Variants in IPO11 observed in about 807,000 individuals in gnomAD.
The protein encoded by IPO11 is importin-11.
IPO11 carries 66 observed loss-of-function variants against 143.2 expected under a neutral mutation model. That is an observed-to-expected ratio of 0.46 (90% confidence interval 0.38 to 0.57). The LOEUF (loss-of-function observed/expected upper bound fraction) is 0.57, where lower values mean the gene tolerates loss of function less well. Among genes scored for constraint, IPO11 ranks in the 20% least tolerant of loss-of-function variants. IPO11 has a pLI of 0.00. For synonymous variants in IPO11, 385 were observed against 377.8 expected (o/e 1.02, Z -0.22); for missense variants, 1,026 against 1,141.0 (o/e 0.90, Z 1.45).
At chr5:62,465,955 A>G (rs1421589898) in intron 5 of IPO11, among the ~76,000 whole-genome samples, 2 of 152,236 alleles carry the variant, frequency 1.3e-5, no homozygotes, top group Non-Finnish European at 2.9e-5. Flanking sequence ...CCAATTCTAG[A>G]CCATATAGCT....
intron 22 of IPO11, among the ~76,000 whole-genome samples, chr5:62,534,391 A>T (rs143201919): frequency 3.3e-5 from 5 of 152,202 alleles, no homozygotes; most frequent in African/African-American, 1.2e-4. Flanking sequence ...TAGATTCTCT[A>T]TAACATAATT....
intron 24 of IPO11, among the ~76,000 whole-genome samples, chr5:62,539,153 G>A (rs575169980): frequency 1.0e-3 from 158 of 152,200 alleles, no homozygotes; most frequent in African/African-American, 3.6e-3. Context: ...TAAAACAAGA[G>A]TTTCTTTATA....
At chr5:62,504,330 C>T (rs1037010434) in intron 16 of IPO11, among the ~76,000 whole-genome samples, 1 of 152,182 alleles carries the variant, frequency 6.6e-6, no homozygotes. Flanking sequence ...TTGTCCAACC[C>T]CACCCTGGTT....
Position 62,426,936 on chromosome 5 carries a change from T to TTG in IPO11, c.-6-10337_-6-10336insGT, listed in dbSNP as rs1393131386. ...TGCACTTCTTTTTTCTTTCTGTTTT[T>TTG]TTTTTTTTTTTTTTTTTTGATACGG... On this transcript the variant is annotated intron_variant, in intron 1 of 29. Coordinates refer to ENST00000325324, the MANE Select transcript of IPO11 (RefSeq NM_016338.5). 5.7e-5 allele frequency among the ~76,000 whole-genome samples: 8 copies of TTG among 140,046 alleles called. No homozygotes were observed. In the Admixed American group the frequency reaches 5.8e-4, roughly 10 times the overall value. 91.9% of individuals were successfully genotyped at this position (140,046 alleles called of 152,430 possible). A position where few individuals can be genotyped will look rare whatever the true frequency, so the allele number is the denominator to read the frequency against.
intron 23 of IPO11, 139 bp from the exon 24 acceptor site, chr5:62,537,070 G>A (rs750846048): frequency 1.8e-5 from 10 of 563,968 alleles, no homozygotes; most frequent in African/African-American, 3.9e-5. Context: ...TTTCCTAAGC[G>A]TTCTGATTGA....
intron 6 of IPO11, 140 bp from the exon 7 acceptor site, chr5:62,470,110 A>T: frequency 2.8e-6 from 2 of 717,876 alleles, no homozygotes; most frequent in South Asian, 3.3e-5. Flanking sequence ...CTAATTTCCC[A>T]GCCAAATGAC....
At chr5:62,578,438 G>A (rs552634095) in intron 27 of IPO11, among the ~76,000 whole-genome samples, 7 of 151,998 alleles carry the variant, frequency 4.6e-5, no homozygotes, top group South Asian at 2.1e-4. Context: ...ACAAAAAATT[G>A]TATTACTCGA....
chr5:62,619,568 A>G (rs1266178583), intron 29 of IPO11, among the ~76,000 whole-genome samples: 1 of 152,004 alleles, frequency 6.6e-6, no homozygotes, highest in African/African-American at 2.4e-5. Context: ...AAACTGCACA[A>G]ACAGGCCGGG....
chr5:62,504,475 T>G (rs1741476232), intron 16 of IPO11, among the ~76,000 whole-genome samples, 192 bp from the exon 17 acceptor site: 1 of 152,224 alleles, frequency 6.6e-6, no homozygotes, highest in Non-Finnish European at 1.5e-5. Flanking sequence ...GAATAAATGC[T>G]ACTTTACCTT....
intron 14 of IPO11, 24 bp from the exon 15 acceptor site, chr5:62,490,091 T>C: frequency 6.8e-7 from 1 of 1,466,428 alleles, no homozygotes; most frequent in Non-Finnish European, 9.2e-7. Context: ...ACCTTTAATT[T>C]TTTTTCTTAA....
intron 6 of IPO11, among the ~76,000 whole-genome samples, 163 bp from the exon 7 acceptor site, chr5:62,470,087 T>C (rs1410901685): frequency 6.6e-6 from 1 of 152,194 alleles, no homozygotes; most frequent in Non-Finnish European, 1.5e-5. Context: ...AGACTTTAGT[T>C]CCATTTTTCC....
At chr5:62,571,401 A>G (rs1194038386) in intron 27 of IPO11, among the ~76,000 whole-genome samples, 1 of 152,222 alleles carries the variant, frequency 6.6e-6, no homozygotes, top group East Asian at 1.9e-4. Flanking sequence ...ATTATGATAA[A>G]TTGGAGAATG....
At chr5:62,443,159 T>C in intron 3 of IPO11, 76 bp downstream of exon 3, 1 of 890,566 alleles carries the variant, frequency 1.1e-6, no homozygotes, top group Non-Finnish European at 1.8e-6. Context: ...TACTTGTTTA[T>C]GTAAAAGGAT....
intron 5 of IPO11, 57 bp from the exon 6 acceptor site, chr5:62,467,074 A>C: frequency 6.9e-7 from 1 of 1,441,642 alleles, no homozygotes; most frequent in Non-Finnish European, 9.4e-7. Flanking sequence ...TGTAGTTCTA[A>C]TGTATTACTG....
In IPO11 at chr5:62,561,238, C is replaced by T. The variant is rs376589984; in HGVS notation, c.2563C>T (p.Leu855Phe). 1.3e-6 allele frequency: 2 copies of T among 1,577,622 alleles called. No individual in the cohort carries two copies. Among genetic ancestry groups the T allele is most frequent in the South Asian group, 1.1e-5 (1 of 88,512 alleles). ...RKLSALALLS[L>F]LPSDNSVIQD... ...ACTTTCAGCTTTGGCTTTGCTCTCT[C>T]TTCTGCCATCTGATAATAGGTGAGG... The change falls in exon 27 of 30, where the codon CTT (leucine) becomes TTT (phenylalanine). Residue 855 changes from leucine to phenylalanine, a missense_variant. This residue lies in a region of IPO11 where 351 missense variants were observed against 358.9 expected (regional missense o/e 0.98). Coordinates refer to ENST00000325324, the MANE Select transcript of IPO11 (RefSeq NM_016338.5).
intron 16 of IPO11, among the ~76,000 whole-genome samples, chr5:62,495,072 A>G (rs563229699): frequency 1.3e-5 from 2 of 152,248 alleles, no homozygotes; most frequent in Non-Finnish European, 2.9e-5. Context: ...TTACAGAAAC[A>G]CAATACATTC....
intron 29 of IPO11, among the ~76,000 whole-genome samples, chr5:62,624,481 T>TGAG (rs34494532): frequency 0.72 from 108,786 of 151,786 alleles, 39,745 homozygotes; most frequent in African/African-American, 0.86. Flanking sequence ...TAACATGTAA[T>TGAG]GAGTGAAGAT....
chr5:62,527,201 CTGT>C (rs974808723), intron 21 of IPO11, among the ~76,000 whole-genome samples: 1 of 152,140 alleles, frequency 6.6e-6, no homozygotes, highest in Non-Finnish European at 1.5e-5. Flanking sequence ...GTAAATTAGC[CTGT>C]TGTTGAAATA....
At chr5:62,429,564 C>T (rs1229755830) in intron 1 of IPO11, among the ~76,000 whole-genome samples, 2 of 149,168 alleles carry the variant, frequency 1.3e-5, no homozygotes, top group Non-Finnish European at 3.0e-5. Flanking sequence ...TACAGGCGCA[C>T]ACCACCATGC....
Sources: allele counts gnomAD v4.1 joint callset (sites outside exome capture counted in the v4.1 genomes callset), GRCh38; gene constraint gnomAD v4.1.1; regional missense constraint gnomAD v4.1.1; transcripts MANE v1.5; gene names NCBI Gene and HGNC (gene_info 2026-07-23, HGNC 2026-07-21).